Variants in KCNU1 observed in about 807,000 individuals in gnomAD.
The protein encoded by KCNU1 is potassium channel subfamily U member 1.
Under a neutral mutation model 126.8 loss-of-function variants are expected in KCNU1, and 93 were observed. The ratio of observed to expected loss-of-function variants is 0.73; its 90% confidence interval spans 0.62 to 0.87. The LOEUF is 0.87. Among genes scored for constraint, KCNU1 ranks in the 40% least tolerant of loss-of-function variants. The pLI is 0.00. For missense variants in KCNU1, 1,330 were observed against 1,367.1 expected (o/e 0.97, Z 0.43); for synonymous variants, 523 against 494.2 (o/e 1.06, Z -0.77).
intron 24 of KCNU1, chr8:36,922,886 G>T: frequency 1.8e-6 from 1 of 569,242 alleles, no homozygotes; most frequent in Non-Finnish European, 3.3e-6. Flanking sequence ...AGTGAGTGTC[G>T]GCCTCTCAGC....
chr8:36,926,094 C>A (rs1585576176), intron 24 of KCNU1, among the ~76,000 whole-genome samples: 2 of 152,236 alleles, frequency 1.3e-5, no homozygotes, highest in Middle Eastern at 6.8e-3. Flanking sequence ...AGTAACATCT[C>A]ACAAGCATTT....
At chr8:36,920,897 C>T (rs1222239742) in intron 23 of KCNU1, among the ~76,000 whole-genome samples, 2 of 152,162 alleles carry the variant, frequency 1.3e-5, no homozygotes, top group Admixed American at 1.3e-4. Flanking sequence ...TCATTAATGT[C>T]ACTTCCCCTA....
intron 26 of KCNU1, 92 bp downstream of exon 26, chr8:36,933,124 A>T: frequency 1.3e-6 from 1 of 789,530 alleles, no homozygotes; most frequent in Non-Finnish European, 2.1e-6. Flanking sequence ...TCCAGAGCTC[A>T]GGGTCCACAG....
intron 5 of KCNU1, among the ~76,000 whole-genome samples, chr8:36,807,075 C>G (rs1803528275): frequency 6.6e-6 from 1 of 152,104 alleles, no homozygotes; most frequent in African/African-American, 2.4e-5. Context: ...CTTCTACATG[C>G]TTGATATGGA....
chr8:36,896,869 TA>T (rs1807211772), intron 19 of KCNU1, among the ~76,000 whole-genome samples: 1 of 152,126 alleles, frequency 6.6e-6, no homozygotes, highest in Non-Finnish European at 1.5e-5. Context: ...ATATTATTTA[TA>T]TTTGTATTAA....
chr8:36,853,138 T>G (rs1386744322), intron 18 of KCNU1, among the ~76,000 whole-genome samples: 1 of 152,112 alleles, frequency 6.6e-6, no homozygotes, highest in Admixed American at 6.5e-5. Flanking sequence ...TCACCTGAGA[T>G]CAGGAGTTCG....
At chr8:36,885,479 C>T (rs932772051) in intron 19 of KCNU1, among the ~76,000 whole-genome samples, 11 of 152,014 alleles carry the variant, frequency 7.2e-5, no homozygotes, top group Admixed American at 7.2e-4. Flanking sequence ...CGCTTAAAGC[C>T]AGGAGAAGGA....
intron 18 of KCNU1, among the ~76,000 whole-genome samples, chr8:36,850,277 A>G (rs1805293685): frequency 6.6e-6 from 1 of 152,140 alleles, no homozygotes; most frequent in Non-Finnish European, 1.5e-5. Context: ...CATTTTTGTT[A>G]CATATTTTGA....
chr8:36,800,431 C>G (rs1237899291), intron 2 of KCNU1, among the ~76,000 whole-genome samples: 1 of 152,186 alleles, frequency 6.6e-6, no homozygotes, highest in East Asian at 1.9e-4. Flanking sequence ...AAACAAGGCT[C>G]TGTCTGGATG....
At chr8:36,887,805 AG>A (rs1350474940) in intron 19 of KCNU1, among the ~76,000 whole-genome samples, 1 of 152,200 alleles carries the variant, frequency 6.6e-6, no homozygotes, top group Non-Finnish European at 1.5e-5. Context: ...TCTTAGGTGT[AG>A]GGTACATGAC....
At position 36,804,006 on chromosome 8, in the gene KCNU1, G is replaced by A. The variant is rs1211239200; in HGVS notation, c.316-21G>A. 4.7e-6 allele frequency: 7 copies of A among 1,505,030 alleles called. No homozygotes were observed. The Admixed American group carries it at 1.4e-4, about 29-fold the overall frequency. 93.2% of individuals were successfully genotyped at this position (1,505,030 alleles called of 1,614,324 possible). ...GCAAATGAAGTGGATTTAGACATTT[G>A]TCCCTGTTTTTCATTTTCAGGTGAT... On this transcript the variant is annotated intron_variant, in intron 2 of 26. Coordinates refer to ENST00000399881, the MANE Select transcript of KCNU1 (RefSeq NM_001031836.3).
At chr8:36,853,789 G>T (rs1805435914) in intron 18 of KCNU1, among the ~76,000 whole-genome samples, 1 of 152,098 alleles carries the variant, frequency 6.6e-6, no homozygotes, top group Admixed American at 6.6e-5. Context: ...GGTCGGTTAA[G>T]TATAGGTTGG....
intron 7 of KCNU1, among the ~76,000 whole-genome samples, chr8:36,812,750 A>G (rs966735922): frequency 6.6e-6 from 1 of 152,232 alleles, no homozygotes; most frequent in African/African-American, 2.4e-5. Context: ...AGTGTGAATA[A>G]GTGGACCCAC....
At chr8:36,832,452 G>C (rs1217873192) in intron 10 of KCNU1, among the ~76,000 whole-genome samples, 1 of 152,002 alleles carries the variant, frequency 6.6e-6, no homozygotes, top group Admixed American at 6.6e-5. Flanking sequence ...TCTAGAGTTA[G>C]TTCTGATAAG....
intron 19 of KCNU1, among the ~76,000 whole-genome samples, chr8:36,880,342 G>C (rs1806430870): frequency 6.6e-6 from 1 of 152,162 alleles, no homozygotes; most frequent in South Asian, 2.1e-4. Context: ...AAAGATTGCA[G>C]CATGAAATAA....
At chr8:36,819,643 A>G (rs936043994) in intron 10 of KCNU1, among the ~76,000 whole-genome samples, 1 of 151,962 alleles carries the variant, frequency 6.6e-6, no homozygotes, top group Non-Finnish European at 1.5e-5. Context: ...TATGTGACCA[A>G]TTTATTCCCA....
At chr8:36,893,837 G>T (rs1807074753) in intron 19 of KCNU1, among the ~76,000 whole-genome samples, 1 of 151,872 alleles carries the variant, frequency 6.6e-6, no homozygotes. Context: ...ATATTCAAAG[G>T]CCCTAACTCT....
rs1462470544 is a variant in KCNU1, at chr8:36,823,477, T to C, written c.1106+5717T>C. Reference sequence around the variant, plus strand: ...TTTCGGTATTATGATCTTAAATCTGTAGTTACACAATTAGTGTTTATATCA... The same window carrying C: ...TTTCGGTATTATGATCTTAAATCTGCAGTTACACAATTAGTGTTTATATCA... On this transcript the variant is annotated intron_variant, in intron 10 of 26. Transcript: ENST00000399881. Among the ~76,000 whole-genome samples the C allele has an allele frequency of 3.3e-5, 5 of 152,260 alleles. No homozygotes were observed. In the East Asian group the frequency reaches 9.7e-4, roughly 29 times the overall value.
chr8:36,799,166 G>T (rs1803212157), intron 2 of KCNU1, among the ~76,000 whole-genome samples: 1 of 152,116 alleles, frequency 6.6e-6, no homozygotes, highest in Non-Finnish European at 1.5e-5. Flanking sequence ...TGACTGGTGT[G>T]ACTTCTGCTT....
Sources: allele counts gnomAD v4.1 joint callset (sites outside exome capture counted in the v4.1 genomes callset), GRCh38; gene constraint gnomAD v4.1.1; transcripts MANE v1.5; gene names NCBI Gene and HGNC (gene_info 2026-07-23, HGNC 2026-07-21).